Variants in ATG7 observed in about 807,000 individuals in gnomAD.
ATG7 encodes the protein ubiquitin-like modifier-activating enzyme ATG7.
Under a neutral mutation model 82.4 loss-of-function variants are expected in ATG7, and 70 were observed. The ratio of observed to expected loss-of-function variants is 0.85; its 90% CI spans 0.70 to 1.04. The LOEUF (loss-of-function observed/expected upper bound fraction) is 1.04. ATG7 is among the 50% of genes least tolerant of loss of function. The pLI is 0.00. For missense variants in ATG7, 792 were observed against 864.3 expected, an observed-to-expected ratio of 0.92 and a Z score of 1.05; for synonymous variants, 287 against 313.0, an observed-to-expected ratio of 0.92 and a Z score of 0.88.
chr3:11,406,888 CAA>C (rs1446048197), intron 19 of ATG7, among the ~76,000 whole-genome samples: 3 of 152,184 alleles, frequency 2.0e-5, no homozygotes, highest in African/African-American at 4.8e-5. Flanking sequence ...ATGGGAGCCA[CAA>C]GATGAGATTT....
intron 20 of ATG7, among the ~76,000 whole-genome samples, chr3:11,439,130 G>T (rs1457438089): frequency 2.8e-5 from 4 of 141,238 alleles, no homozygotes; most frequent in African/African-American, 1.1e-4. Context: ...ATGCAGTGGC[G>T]TGATCTTGGC....
chr3:11,574,887 C>T, the ATG7 span, among the ~76,000 whole-genome samples: 2 of 148,852 alleles, frequency 1.3e-5, no homozygotes, highest in Middle Eastern at 3.7e-3. Context: ...TTCAGGAAGC[C>T]AGGAAAAAGA....
chr3:11,412,168 G>A (rs1349588627), intron 19 of ATG7, among the ~76,000 whole-genome samples: 1 of 152,006 alleles, frequency 6.6e-6, no homozygotes, highest in African/African-American at 2.4e-5. Context: ...TATATAGCAG[G>A]GAGGAAACAT....
the ATG7 span, chr3:11,564,617 T>C: frequency 8.2e-6 from 6 of 729,998 alleles, no homozygotes; most frequent in Non-Finnish European, 1.3e-5. Context: ...GGACTCCTGT[T>C]CTGCTGTCCC....
At chr3:11,477,133 G>A (rs769228268) in intron 20 of ATG7, 46 of 1,289,722 alleles carry the variant, frequency 3.6e-5, no homozygotes, top group Non-Finnish European at 4.7e-5. Flanking sequence ...GTACCTGCCA[G>A]CATCTTTGAG....
chr3:11,275,297 C>A (rs1941478490), intron 1 of ATG7, among the ~76,000 whole-genome samples: 1 of 151,618 alleles, frequency 6.6e-6, no homozygotes, highest in Admixed American at 6.6e-5. Flanking sequence ...CCTCTGTCGT[C>A]CACTTCTACC....
chr3:11,558,244 T>C, downstream of ATG7: 1 of 447,328 alleles, frequency 2.2e-6, no homozygotes, highest in South Asian at 3.5e-5. Flanking sequence ...GAAAGCGCTG[T>C]GGAGTCCTGG....
chr3:11,564,732 T>A, the ATG7 span: 50 of 1,469,644 alleles, frequency 3.4e-5, no homozygotes, highest in Non-Finnish European at 2.7e-6. Flanking sequence ...TGCTCGGGGC[T>A]CTCCATCCAG....
Position 11,360,769 on chromosome 3 carries a change from G to A in ATG7, c.1668G>A (p.Val556=). The A allele has an allele frequency of 6.2e-7, 1 of 1,614,140 alleles. No homozygotes were observed. The highest frequency in any genetic ancestry group is 8.5e-7 in the Non-Finnish European group (1 of 1,180,010). Residue 556 remains valine (V), a synonymous_variant, in exon 16 of 21, where the codon GTG becomes GTA. Coordinates refer to ENST00000693202, the MANE Select transcript of ATG7 (RefSeq NM_001349232.2). ...TTGGCTGCTACTTCTGCAATGATGT[G>A]GTGGCCCCAGGAGATGTAAGTGGAT... ...YKLGCYFCND[V]VAPGDSTRDR... is the part of the protein sequence containing the mutation.
downstream of ATG7, chr3:11,558,970 C>T (rs1004575484): frequency 3.6e-5 from 37 of 1,028,226 alleles, no homozygotes; most frequent in Non-Finnish European, 5.0e-5. Flanking sequence ...CCCACCTCCC[C>T]CGGCTAAGTC....
rs1439864996 is a variant in ATG7 at position 11,557,277 on chromosome 3, A to G, written c.*2434A>G. Reference sequence around the variant, plus strand: ...GTAATAACAGTATAAAGTCAGAGGAATGTATACTGCCTTGGCCCCAGCGTA... The same window carrying G: ...GTAATAACAGTATAAAGTCAGAGGAGTGTATACTGCCTTGGCCCCAGCGTA... On this transcript the variant is annotated 3_prime_UTR_variant, in exon 21 of 21. Transcript: ENST00000693202. 2.0e-5 allele frequency: 3 copies of G among 152,838 alleles called. No homozygotes were observed. The highest frequency in any genetic ancestry group is 4.4e-5 in the Non-Finnish European group (3 of 68,040). The allele number at this position is 152,838 out of a possible 1,614,324, so 9.5% of individuals were successfully genotyped here. A position where few individuals can be genotyped will look rare whatever the true frequency, so the allele number is the denominator to read the frequency against.
chr3:11,333,817 G>A lies in ATG7; in HGVS notation c.889+724G>A, dbSNP rs1411104101. On this transcript the variant is annotated intron_variant, in intron 11 of 20. Coordinates refer to ENST00000693202, the MANE Select transcript of ATG7 (RefSeq NM_001349232.2). ...GGCTAGAGTGCAGTGGCGTGATCTT[G>A]GCTCACTGCAAGCTCCGCCTCCCGG... is the stretch of plus-strand genomic sequence containing the variant. Among the ~76,000 whole-genome samples, 6 of 145,850 alleles carry A rather than the reference G, an allele frequency of 4.1e-5. No individual in the cohort carries two copies. The Admixed American group carries it at 4.2e-4, about 10-fold the overall frequency.
intron 19 of ATG7, among the ~76,000 whole-genome samples, chr3:11,386,573 C>A (rs898462920): frequency 6.6e-6 from 1 of 152,152 alleles, no homozygotes; most frequent in Admixed American, 6.5e-5. Context: ...TGCCAGGAAT[C>A]TTTGCATACA....
At chr3:11,423,807 C>T (rs2082141443) in intron 19 of ATG7, among the ~76,000 whole-genome samples, 1 of 152,156 alleles carries the variant, frequency 6.6e-6, no homozygotes, top group Non-Finnish European at 1.5e-5. Flanking sequence ...CAGTGGTGCT[C>T]ACCAGCCCCT....
intron 19 of ATG7, among the ~76,000 whole-genome samples, chr3:11,410,960 C>T (rs1397565565): frequency 2.0e-5 from 3 of 152,052 alleles, no homozygotes; most frequent in Admixed American, 1.3e-4. Context: ...GGGTATATAT[C>T]CAGAATTGAA....
intron 20 of ATG7, among the ~76,000 whole-genome samples, chr3:11,498,624 C>G (rs2091055130): frequency 6.6e-6 from 1 of 152,232 alleles, no homozygotes. Flanking sequence ...AGCTGGTGCT[C>G]CAAGACCTGC....
chr3:11,562,003 G>A (rs528158174), downstream of ATG7, among the ~76,000 whole-genome samples: 22 of 150,278 alleles, frequency 1.5e-4, no homozygotes, highest in African/African-American at 5.1e-4. Flanking sequence ...GGGTTCAAGC[G>A]ATTCTCCTGT....
intron 15 of ATG7, among the ~76,000 whole-genome samples, chr3:11,359,934 A>G (rs2076181738): frequency 6.7e-6 from 1 of 149,628 alleles, no homozygotes; most frequent in Non-Finnish European, 1.5e-5. Context: ...ACTTGGTTTT[A>G]TATACCTACC....
At chr3:11,308,925 A>G in intron 6 of ATG7, 59 bp from the exon 7 acceptor site, 1 of 1,480,012 alleles carries the variant, frequency 6.8e-7, no homozygotes, top group Non-Finnish European at 9.5e-7. Context: ...ACTTCACCTG[A>G]GAGTGAGAAA....
Sources: gnomAD v4.1 joint callset for allele counts (sites outside exome capture counted in the v4.1 genomes callset) on GRCh38, gnomAD v4.1.1 for gene constraint, MANE v1.5 for transcripts, NCBI Gene and HGNC (gene_info 2026-07-23, HGNC 2026-07-21) for gene names.